The following STXBP5 variants were observed in gnomAD, a reference collection of about 807,000 sequenced individuals.
STXBP5 encodes the protein syntaxin binding protein 5.
STXBP5 carries 50 observed loss-of-function variants against 152.4 expected under a neutral mutation model. The observed-to-expected ratio is 0.33, with a 90% CI of 0.26 to 0.42. STXBP5 has a LOEUF of 0.42. STXBP5 is among the 10% of genes least tolerant of loss of function. The pLI, the probability that STXBP5 is intolerant of heterozygous loss-of-function variation, is 1.00. For missense variants in STXBP5, 1,167 were observed against 1,388.6 expected, an observed-to-expected ratio of 0.84 and a Z score of 2.54; for synonymous variants, 492 against 494.7, an observed-to-expected ratio of 0.99 and a Z score of 0.07.
At chr6:147,306,032 C>T (rs1283143773) in intron 9 of STXBP5, among the ~76,000 whole-genome samples, 1 of 152,140 alleles carries the variant, frequency 6.6e-6, no homozygotes, top group African/African-American at 2.4e-5. Flanking sequence ...AATATAGGTA[C>T]TAATTATGCA....
chr6:147,361,403 A>G (rs1305121020), intron 23 of STXBP5, among the ~76,000 whole-genome samples: 1 of 152,188 alleles, frequency 6.6e-6, no homozygotes, highest in African/African-American at 2.4e-5. Context: ...TTTCATATGT[A>G]AGAAAGAAAC....
intron 2 of STXBP5, among the ~76,000 whole-genome samples, chr6:147,231,996 T>C (rs368237886): frequency 7.2e-5 from 11 of 152,026 alleles, no homozygotes; most frequent in African/African-American, 2.6e-4. Flanking sequence ...CTAGCCAACA[T>C]AGTGAATAAT....
At chr6:147,226,572 G>A (rs1358826960) in intron 2 of STXBP5, among the ~76,000 whole-genome samples, 3 of 152,166 alleles carry the variant, frequency 2.0e-5, no homozygotes, top group Non-Finnish European at 4.4e-5. Flanking sequence ...AATTCAGTAT[G>A]ACTGTATAAT....
intron 7 of STXBP5, among the ~76,000 whole-genome samples, chr6:147,271,916 T>C (rs184425003): frequency 1.4e-4 from 21 of 152,240 alleles, no homozygotes; most frequent in Admixed American, 1.4e-3. Context: ...TTACCCATTA[T>C]GGAGGTGAAA....
At chr6:147,327,353 T>C (rs1783317178) in intron 18 of STXBP5, 77 bp downstream of exon 18, 1 of 1,485,410 alleles carries the variant, frequency 6.7e-7, no homozygotes, top group African/African-American at 1.4e-5. Flanking sequence ...ATATAAGTAT[T>C]ATAGTTAGGT....
At chr6:147,241,307 C>G (rs1778527941) in intron 4 of STXBP5, among the ~76,000 whole-genome samples, 3 of 152,096 alleles carry the variant, frequency 2.0e-5, no homozygotes, top group Non-Finnish European at 4.4e-5. Context: ...AACTAATGTT[C>G]ATAACATAAT....
In STXBP5 at chr6:147,314,407, C is replaced by T; in HGVS notation, c.1361+76C>T. 8 of 1,424,262 alleles carry T rather than the reference C, an allele frequency of 5.6e-6. No homozygotes were observed. The South Asian group carries it at 9.2e-5, about 16-fold the overall frequency. The allele number at this position is 1,424,262 out of a possible 1,614,324, so 88.2% of individuals were successfully genotyped here. ...TTGATTGAGACTACATGAATGTTAA[C>T]TTACTGGACAGGTAGAGCTTTCCTT... On this transcript the variant is annotated intron_variant, in intron 13 of 27. Coordinates refer to ENST00000321680, the MANE Select transcript of STXBP5 (RefSeq NM_001127715.4).
intron 9 of STXBP5, among the ~76,000 whole-genome samples, chr6:147,304,831 A>G (rs1782007730): frequency 6.6e-6 from 1 of 152,160 alleles, no homozygotes; most frequent in Admixed American, 6.5e-5. Flanking sequence ...TTGGATTTGC[A>G]TGAGGCCTGT....
chr6:147,319,875 T>C lies in STXBP5; in HGVS notation c.1802+3468T>C, dbSNP rs1485864232. On this transcript the variant is annotated intron_variant, in intron 16 of 27. Coordinates refer to ENST00000321680, the MANE Select transcript of STXBP5 (RefSeq NM_001127715.4). Reference sequence around the variant, plus strand: ...TTTTTTTAAAGAGACAGGGTCTCGCTCTGTTGCCCATGCTGGAGTACAGTG... The same window carrying C: ...TTTTTTTAAAGAGACAGGGTCTCGCCCTGTTGCCCATGCTGGAGTACAGTG... 2.1e-5 allele frequency among the ~76,000 whole-genome samples: 3 copies of C among 144,394 alleles called. No individual in the cohort carries two copies. The East Asian group carries it at 6.6e-4, about 32-fold the overall frequency. The allele number at this position is 144,394 out of a possible 152,430, so 94.7% of individuals were successfully genotyped here.
chr6:147,314,400 A>G (rs1019123598), intron 13 of STXBP5, 69 bp downstream of exon 13: 1 of 1,439,894 alleles, frequency 6.9e-7, no homozygotes, highest in Non-Finnish European at 9.8e-7. Flanking sequence ...GACTACATGA[A>G]TGTTAACTTA....
chr6:147,297,666 A>G (rs532192460), intron 9 of STXBP5, among the ~76,000 whole-genome samples: 5 of 152,276 alleles, frequency 3.3e-5, no homozygotes, highest in African/African-American at 1.2e-4. Flanking sequence ...GGAGCACCCA[A>G]TAAATAAGGA....
chr6:147,382,709 G>A, intron 26 of STXBP5, 69 bp from the exon 27 acceptor site: 3 of 1,510,624 alleles, frequency 2.0e-6, no homozygotes, highest in South Asian at 1.2e-5. Context: ...GTATTTTAAT[G>A]TAGTAGGATT....
intron 3 of STXBP5, among the ~76,000 whole-genome samples, chr6:147,238,892 A>G (rs1268568500): frequency 3.9e-4 from 59 of 152,176 alleles, no homozygotes. Flanking sequence ...CTAGATCTTA[A>G]CCATACTAAT....
chr6:147,308,295 G>A (rs559881523), intron 9 of STXBP5, among the ~76,000 whole-genome samples: 60 of 152,190 alleles, frequency 3.9e-4, no homozygotes, highest in Admixed American at 7.2e-4. Context: ...AGTATGCTGA[G>A]AGGTTGAAAC....
chr6:147,262,455 C>A, intron 6 of STXBP5, 102 bp downstream of exon 6: 2 of 657,914 alleles, frequency 3.0e-6, no homozygotes, highest in Non-Finnish European at 5.0e-6. Context: ...TTGAGATTAC[C>A]ATTGAAGGTT....
intron 18 of STXBP5, among the ~76,000 whole-genome samples, chr6:147,329,702 T>G (rs1783464673): frequency 7.7e-6 from 1 of 129,128 alleles, no homozygotes; most frequent in African/African-American, 2.9e-5. Context: ...CTTGGCTCAC[T>G]GCAAGCTCCG....
intron 2 of STXBP5, among the ~76,000 whole-genome samples, chr6:147,213,616 G>T (rs1422811670): frequency 1.3e-5 from 2 of 151,980 alleles, no homozygotes; most frequent in Non-Finnish European, 2.9e-5. Context: ...CCAGCTACAA[G>T]AAGAAAATTA....
At chr6:147,250,168 G>A (rs989971891) in intron 4 of STXBP5, among the ~76,000 whole-genome samples, 2 of 152,148 alleles carry the variant, frequency 1.3e-5, no homozygotes, top group Non-Finnish European at 2.9e-5. Context: ...CATGAAAAAG[G>A]AACAATGATT....
chr6:147,322,373 G>T (rs1216750558), intron 16 of STXBP5, among the ~76,000 whole-genome samples: 2 of 152,134 alleles, frequency 1.3e-5, no homozygotes, highest in Non-Finnish European at 2.9e-5. Flanking sequence ...GCATTGCCTT[G>T]CAAACCTTGA....
Sources: gnomAD v4.1 joint callset for allele counts (sites outside exome capture counted in the v4.1 genomes callset) on GRCh38, gnomAD v4.1.1 for gene constraint, MANE v1.5 for transcripts, NCBI Gene and HGNC (gene_info 2026-07-23, HGNC 2026-07-21) for gene names.